The following CMBL variants were observed in gnomAD, a reference collection of about 807,000 sequenced individuals.
CMBL encodes carboxymethylenebutenolidase homolog (Pseudomonas).
CMBL carries 17 observed loss-of-function variants against 28.7 expected under a neutral mutation model. That is an observed-to-expected ratio of 0.59 (90% CI 0.41 to 0.89). The LOEUF is 0.89. Ranked by LOEUF, CMBL falls within the 40% of genes least tolerant of loss-of-function variation. The probability of loss-of-function intolerance (pLI) is 0.00; values close to 1 mark genes in which losing one functional copy is unlikely to be tolerated. For missense variants in CMBL, 310 were observed against 298.5 expected (o/e 1.04, Z -0.28); for synonymous variants, 106 against 101.6 (o/e 1.04, Z -0.26).
At chr5:10,298,241 G>C (rs1209850356) in intron 1 of CMBL, among the ~76,000 whole-genome samples, 2 of 152,104 alleles carry the variant, frequency 1.3e-5, no homozygotes, top group Non-Finnish European at 2.9e-5. Flanking sequence ...TGCGTGGCTA[G>C]AAATCTAAGT....
chr5:10,282,337 A>ACATGATCCCCACACCCATGCCG (rs769743444), intron 4 of CMBL, 49 bp from the exon 5 acceptor site: 7 of 1,066,166 alleles, frequency 6.6e-6, no homozygotes, highest in Admixed American at 3.4e-5. Flanking sequence ...CACTCATGCC[A>ACATGATCCCCACACCCATGCCG]CATGATCCCC....
At chr5:10,297,183 TC>T (rs540607795) in intron 1 of CMBL, among the ~76,000 whole-genome samples, 10 of 67,266 alleles carry the variant, frequency 1.5e-4, no homozygotes, top group African/African-American at 2.7e-4. Context: ...AGACTCCATC[TC>T]AAAAAAAAAA....
In CMBL at chr5:10,286,481, G is replaced by A. The variant is rs371292499; in HGVS notation, c.339C>T (p.Ile113=). 4 of 1,613,944 alleles carry A rather than the reference G, an allele frequency of 2.5e-6. No homozygotes were observed. The highest frequency in any genetic ancestry group is 1.3e-5 in the African/African-American group (1 of 74,926). Residue 113 remains isoleucine (I), a synonymous_variant, in exon 4 of 6, where the codon ATC becomes ATT. Coordinates refer to ENST00000296658, the MANE Select transcript of CMBL (RefSeq NM_138809.4). ...AQKIDREISA[I]LKYLKQQCHA... Reference sequence around the variant, plus strand: ...GACACTGTTGTTTCAGATACTTCAAGATAGCACTGATCTCTCTAGAACAGA... The same window carrying A: ...GACACTGTTGTTTCAGATACTTCAAAATAGCACTGATCTCTCTAGAACAGA...
At chr5:10,284,012 C>T (rs1746550770) in intron 4 of CMBL, among the ~76,000 whole-genome samples, 1 of 152,236 alleles carries the variant, frequency 6.6e-6, no homozygotes, top group South Asian at 2.1e-4. Flanking sequence ...GAGAGAGCCT[C>T]CTTCACCTGT....
rs1264486566 is a variant in CMBL, at chr5:10,295,416, G to A, written c.-19-4635C>T. Among the ~76,000 whole-genome samples the A allele has an allele frequency of 3.9e-5, 6 of 152,242 alleles. No individual in the cohort carries two copies. In the South Asian group the frequency reaches 8.3e-4, roughly 21 times the overall value. On this transcript the variant is annotated intron_variant, in intron 1 of 5. Transcript: ENST00000296658. ...GCTGAATGTATTTTGTAACCTCACC[G>A]TCATTCATGGACATTCGAAAAATGT... is the stretch of plus-strand genomic sequence containing the variant.
chr5:10,288,508 A>G lies in CMBL; in HGVS notation c.237T>C (p.Phe79=). The change falls in exon 3 of 6, where the codon TTT becomes TTC. Residue 79 remains phenylalanine (F), a synonymous_variant. Transcript: ENST00000296658. ...NGYTTIVPDF[F]VGQEPWDPSG... is the part of the protein sequence containing the mutation. Reference sequence around the variant, plus strand: ...AGGGGTCCCAAGGCTCTTGCCCTACAAAGAAGTCTGGAACAATGGTTCTGC... The same window carrying G: ...AGGGGTCCCAAGGCTCTTGCCCTACGAAGAAGTCTGGAACAATGGTTCTGC... 1.2e-6 allele frequency: 2 copies of G among 1,613,834 alleles called. No individual in the cohort carries two copies. Among genetic ancestry groups the G allele is most frequent in the East Asian group, 2.2e-5 (1 of 44,878 alleles).
chr5:10,301,289 AAG>A (rs1746893416), intron 1 of CMBL, among the ~76,000 whole-genome samples: 1 of 152,200 alleles, frequency 6.6e-6, no homozygotes, highest in African/African-American at 2.4e-5. Flanking sequence ...TTTGAGAAGA[AAG>A]AAATTAATAA....
At chr5:10,283,500 G>T (rs749978752) in intron 4 of CMBL, among the ~76,000 whole-genome samples, 1 of 152,170 alleles carries the variant, frequency 6.6e-6, no homozygotes, top group Non-Finnish European at 1.5e-5. Context: ...GTTTTTGGCC[G>T]GGCGAGGTGG....
At chr5:10,303,485 T>C (rs1174814973) in intron 1 of CMBL, among the ~76,000 whole-genome samples, 2 of 152,132 alleles carry the variant, frequency 1.3e-5, no homozygotes, top group East Asian at 3.9e-4. Context: ...TCAACAGATA[T>C]AAAAACAAAC....
chr5:10,290,047 T>C (rs979749672), intron 2 of CMBL, among the ~76,000 whole-genome samples: 4 of 152,106 alleles, frequency 2.6e-5, no homozygotes, highest in East Asian at 1.9e-4. Context: ...AGAGGTAAAC[T>C]TGGGGAGGGG....
At chr5:10,302,214 C>A (rs936556963) in intron 1 of CMBL, among the ~76,000 whole-genome samples, 2 of 152,208 alleles carry the variant, frequency 1.3e-5, no homozygotes, top group African/African-American at 4.8e-5. Context: ...TCTGTATATA[C>A]CTTTCAGGAT....
At chr5:10,288,613 C>G in intron 2 of CMBL, 84 bp from the exon 3 acceptor site, 1 of 1,055,386 alleles carries the variant, frequency 9.5e-7, no homozygotes, top group Non-Finnish European at 1.4e-6. Flanking sequence ...AAACTTGCTA[C>G]GTTGGCGATT....
intron 1 of CMBL, among the ~76,000 whole-genome samples, chr5:10,301,189 T>C (rs1163514950): frequency 6.6e-6 from 1 of 152,172 alleles, no homozygotes; most frequent in Non-Finnish European, 1.5e-5. Flanking sequence ...CTTTCAAATA[T>C]GGGTGATGTG....
rs753023049 is a variant in CMBL at position 10,296,176 on chromosome 5, C to T, written c.-19-5395G>A. On this transcript the variant is annotated intron_variant, in intron 1 of 5. Transcript: ENST00000296658. ...CCGCTGTGACCAGGCCACAGGTTTA[C>T]AGGAAGCTAACCTTGTATTTTCCCC... is the stretch of plus-strand genomic sequence containing the variant. Among the ~76,000 whole-genome samples, 39 of 152,204 alleles carry T rather than the reference C, an allele frequency of 2.6e-4. 1 individual carries two copies. Among genetic ancestry groups the T allele is most frequent in the Admixed American group, 9.8e-4 (15 of 15,278 alleles).
At chr5:10,286,588 C>T (rs931028118) in intron 3 of CMBL, 92 bp from the exon 4 acceptor site, 63 of 1,225,538 alleles carry the variant, frequency 5.1e-5, no homozygotes, top group Non-Finnish European at 6.1e-5. Flanking sequence ...GTATCAGCAA[C>T]TGTTTTTGAA....
chr5:10,283,727 G>A (rs1388334286), intron 4 of CMBL, among the ~76,000 whole-genome samples: 4 of 152,190 alleles, frequency 2.6e-5, no homozygotes, highest in African/African-American at 9.7e-5. Flanking sequence ...TCGTGCCACT[G>A]CACTCCAGCC....
intron 4 of CMBL, among the ~76,000 whole-genome samples, chr5:10,285,677 T>G (rs1003959378): frequency 1.7e-5 from 1 of 60,038 alleles, no homozygotes; most frequent in African/African-American, 6.4e-5. Flanking sequence ...TCAGTCTTTC[T>G]TTCTTTCTTT....
chr5:10,283,519 T>C (rs1238389251), intron 4 of CMBL, among the ~76,000 whole-genome samples: 1 of 152,222 alleles, frequency 6.6e-6, no homozygotes, highest in Admixed American at 6.5e-5. Context: ...GGCTCACACC[T>C]GTAATCCCAG....
At position 10,286,643 on chromosome 5, in the gene CMBL, T is replaced by C. The variant is rs902720074; in HGVS notation, c.324-147A>G. Reference sequence around the variant, plus strand: ...TTGGGAGCTCCACCCTTACTACCTCTGGCCCAACTGATGCATCATCCCAGC... The same window carrying C: ...TTGGGAGCTCCACCCTTACTACCTCCGGCCCAACTGATGCATCATCCCAGC... On this transcript the variant is annotated intron_variant, in intron 3 of 5. Transcript: ENST00000296658. 1.1e-5 allele frequency: 7 copies of C among 638,836 alleles called. No individual in the cohort carries two copies. In the African/African-American group the frequency reaches 1.3e-4, roughly 12 times the overall value. The allele number at this position is 638,836 out of a possible 1,614,324, so 39.6% of individuals were successfully genotyped here. A position where few individuals can be genotyped will look rare whatever the true frequency, so the allele number is the denominator to read the frequency against.
Sources: allele counts gnomAD v4.1 joint callset (sites outside exome capture counted in the v4.1 genomes callset), GRCh38; gene constraint gnomAD v4.1.1; transcripts MANE v1.5; gene names NCBI Gene and HGNC (gene_info 2026-07-23, HGNC 2026-07-21).